The following CNTNAP2 variants were observed in gnomAD, a reference collection of about 807,000 sequenced individuals.
CNTNAP2 encodes contactin associated protein 2, also known as contactin-associated protein-like 2.
A neutral mutation model predicts 155.2 loss-of-function variants in CNTNAP2; 98 were observed. The observed-to-expected ratio is 0.63, with a 90% CI of 0.54 to 0.75. The LOEUF is 0.75. Ranked by LOEUF, CNTNAP2 falls within the 30% of genes least tolerant of loss-of-function variation. CNTNAP2 has a pLI of 0.00. For missense variants in CNTNAP2, 1,727 were observed against 1,688.1 expected, an observed-to-expected ratio of 1.02 and a Z score of -0.40; for synonymous variants, 651 against 631.2, an observed-to-expected ratio of 1.03 and a Z score of -0.47.
At chr7:148,326,164 G>A (rs1322008891) in intron 21 of CNTNAP2, among the ~76,000 whole-genome samples, 1 of 151,970 alleles carries the variant, frequency 6.6e-6, no homozygotes, top group East Asian at 1.9e-4. Context: ...AGTTCTCTGG[G>A]TGATTGTAAT....
At chr7:146,682,120 A>G (rs1488082087) in intron 1 of CNTNAP2, among the ~76,000 whole-genome samples, 3 of 152,164 alleles carry the variant, frequency 2.0e-5, no homozygotes, top group Non-Finnish European at 4.4e-5. Flanking sequence ...GAAAACAGAA[A>G]GTAAATTTCA....
intron 20 of CNTNAP2, among the ~76,000 whole-genome samples, chr7:148,257,169 C>G (rs1796469503): frequency 6.6e-6 from 1 of 152,130 alleles, no homozygotes; most frequent in Non-Finnish European, 1.5e-5. Context: ...CCTCTCCATT[C>G]TACGAAGATG....
At chr7:146,192,648 G>A (rs1347813550) in intron 1 of CNTNAP2, among the ~76,000 whole-genome samples, 4 of 152,238 alleles carry the variant, frequency 2.6e-5, no homozygotes, top group South Asian at 4.1e-4. Context: ...CTCCCATGAC[G>A]TGGGAATTAT....
chr7:146,273,785 G>A (rs994177468), intron 1 of CNTNAP2, among the ~76,000 whole-genome samples: 3 of 152,078 alleles, frequency 2.0e-5, no homozygotes, highest in African/African-American at 7.2e-5. Context: ...TACTTGTACT[G>A]GCCGGTTACT....
chr7:146,924,184 A>T (rs944870874), intron 3 of CNTNAP2, among the ~76,000 whole-genome samples: 2 of 152,106 alleles, frequency 1.3e-5, no homozygotes, highest in Non-Finnish European at 1.5e-5. Flanking sequence ...AGGCCTTGTC[A>T]GGTTTCTTGT....
rs549203110 is a variant in CNTNAP2 at position 146,282,049 on chromosome 7, GAGAA to G, written c.97+165082_97+165085del. 2.0e-3 allele frequency among the ~76,000 whole-genome samples: 298 copies of G among 152,198 alleles called. 3 individuals carry two copies. The highest frequency in any genetic ancestry group is 3.9e-3 in the Non-Finnish European group (262 of 68,004). ...CTAAAATCAAAAAGTAAAGGAAGAG[GAGAA>G]AGAAAAAGTTTATGTTAGCATTGCT... On this transcript the variant is annotated intron_variant, in intron 1 of 23. Coordinates refer to ENST00000361727, the MANE Select transcript of CNTNAP2 (RefSeq NM_014141.6).
chr7:148,047,317 G>A (rs532594220), intron 15 of CNTNAP2, among the ~76,000 whole-genome samples: 70 of 151,824 alleles, frequency 4.6e-4, no homozygotes, highest in African/African-American at 6.6e-4. Context: ...AATACATAAC[G>A]TTATTTTATG....
At chr7:147,435,032 G>A (rs1034425923) in intron 10 of CNTNAP2, among the ~76,000 whole-genome samples, 2 of 152,138 alleles carry the variant, frequency 1.3e-5, no homozygotes, top group Admixed American at 6.6e-5. Context: ...GAGGCAACAG[G>A]ACAGTGAAAA....
chr7:146,802,708 G>A (rs1802901915), intron 2 of CNTNAP2, among the ~76,000 whole-genome samples: 1 of 152,242 alleles, frequency 6.6e-6, no homozygotes, highest in Non-Finnish European at 1.5e-5. Context: ...TGTATAGCCT[G>A]GGGAACTGTG....
intron 1 of CNTNAP2, among the ~76,000 whole-genome samples, chr7:146,559,851 CA>C (rs10710198): frequency 0.82 from 125,173 of 151,960 alleles, 52,088 homozygotes; most frequent in South Asian, 0.91. Context: ...AAATTACATA[CA>C]AAAAAAATGA....
At chr7:147,428,203 G>C (rs1199023168) in intron 10 of CNTNAP2, among the ~76,000 whole-genome samples, 3 of 152,128 alleles carry the variant, frequency 2.0e-5, no homozygotes, top group Non-Finnish European at 4.4e-5. Context: ...TCCTCATGAA[G>C]ACTTCTCAGA....
intron 21 of CNTNAP2, among the ~76,000 whole-genome samples, chr7:148,317,150 G>A (rs1383998038): frequency 6.6e-6 from 1 of 152,228 alleles, no homozygotes; most frequent in Non-Finnish European, 1.5e-5. Flanking sequence ...GAGGTCAGGA[G>A]TTTGAGACCA....
chr7:146,966,244 T>C (rs1797654833), intron 3 of CNTNAP2, among the ~76,000 whole-genome samples: 1 of 152,268 alleles, frequency 6.6e-6, no homozygotes, highest in Non-Finnish European at 1.5e-5. Context: ...TCTGGTAGCA[T>C]GATTGGGAAA....
At chr7:147,327,335 G>A (rs914583797) in intron 9 of CNTNAP2, among the ~76,000 whole-genome samples, 5 of 152,298 alleles carry the variant, frequency 3.3e-5, no homozygotes, top group Non-Finnish European at 7.4e-5. Flanking sequence ...AAGAGTCCAA[G>A]TGGAGATTGG....
At chr7:146,901,049 TA>T (rs1795982860) in intron 3 of CNTNAP2, among the ~76,000 whole-genome samples, 1 of 151,568 alleles carries the variant, frequency 6.6e-6, no homozygotes, top group Non-Finnish European at 1.5e-5. Flanking sequence ...ATAATAATAA[TA>T]ATAATAATGT....
At chr7:146,702,478 T>C (rs1800894244) in intron 1 of CNTNAP2, among the ~76,000 whole-genome samples, 1 of 152,144 alleles carries the variant, frequency 6.6e-6, no homozygotes, top group Non-Finnish European at 1.5e-5. Context: ...AGCTGTCTAA[T>C]CGAACATTTT....
chr7:146,169,459 T>G (rs1052409848), intron 1 of CNTNAP2, among the ~76,000 whole-genome samples: 2 of 152,178 alleles, frequency 1.3e-5, no homozygotes, highest in African/African-American at 4.8e-5. Flanking sequence ...ACAATCAAGC[T>G]AACACATTGG....
intron 3 of CNTNAP2, among the ~76,000 whole-genome samples, chr7:146,867,481 TC>T (rs1795226700): frequency 2.0e-5 from 3 of 152,196 alleles, no homozygotes; most frequent in African/African-American, 7.2e-5. Context: ...ACAATGAACA[TC>T]ACGTGCATGT....
intron 4 of CNTNAP2, chr7:147,081,583 TTGTGTGTG>T (rs5888236): frequency 0.015 from 1,903 of 128,290 alleles, 27 homozygotes; most frequent in African/African-American, 0.04. Flanking sequence ...CCCGGCTAAT[TTGTGTGTG>T]TGTGTGTGTG....
Sources: allele counts gnomAD v4.1 joint callset (sites outside exome capture counted in the v4.1 genomes callset), GRCh38; gene constraint gnomAD v4.1.1; transcripts MANE v1.5; gene names NCBI Gene and HGNC (gene_info 2026-07-23, HGNC 2026-07-21).